The following SPPL3 variants were observed in gnomAD, a reference collection of about 807,000 sequenced individuals.
SPPL3 encodes signal peptide peptidase-like 3.
SPPL3 carries 5 observed loss-of-function variants against 42.4 expected under a neutral mutation model. The observed-to-expected ratio is 0.12, with a 90% confidence interval of 0.06 to 0.25. The LOEUF (loss-of-function observed/expected upper bound fraction) is 0.25. SPPL3 is among the 10% of genes least tolerant of loss of function. The pLI, the probability that SPPL3 is intolerant of heterozygous loss-of-function variation, is 1.00. For missense variants in SPPL3, 235 were observed against 489.0 expected (o/e 0.48, Z 4.90); for synonymous variants, 195 against 181.8 (o/e 1.07, Z -0.58).
intron 1 of SPPL3, among the ~76,000 whole-genome samples, chr12:120,843,831 G>A (rs1238112446): frequency 3.9e-5 from 6 of 152,060 alleles, no homozygotes; most frequent in Admixed American, 6.6e-5. Flanking sequence ...GGTGGCACGC[G>A]CCTATAACCC....
chr12:120,892,442 G>A (rs1413721473), intron 1 of SPPL3, among the ~76,000 whole-genome samples: 1 of 152,118 alleles, frequency 6.6e-6, no homozygotes, highest in Non-Finnish European at 1.5e-5. Flanking sequence ...ATTGCAGTCA[G>A]ACCTTGAAAA....
chr12:120,812,685 G>A (rs1431083162), intron 1 of SPPL3, among the ~76,000 whole-genome samples: 1 of 152,020 alleles, frequency 6.6e-6, no homozygotes, highest in Non-Finnish European at 1.5e-5. Context: ...AGACAGAGAA[G>A]GAAAACCCAG....
At chr12:120,840,509 T>C (rs1871783208) in intron 1 of SPPL3, among the ~76,000 whole-genome samples, 1 of 152,068 alleles carries the variant, frequency 6.6e-6, no homozygotes, top group African/African-American at 2.4e-5. Context: ...TATGGGTTTC[T>C]CTTTGACGGG....
chr12:120,802,757 A>G lies in SPPL3; in HGVS notation c.101+8052T>C, dbSNP rs115737207. 3.4e-3 allele frequency among the ~76,000 whole-genome samples: 516 copies of G among 152,108 alleles called. 3 individuals carry two copies. Among genetic ancestry groups the G allele is most frequent in the African/African-American group, 0.012 (499 of 41,512 alleles). The stretch of plus-strand genomic sequence containing the variant: ...GTCTGCTACCAATATTTATTAACAG[A>G]TCAACATTCAAGAATAACCAGTTTA... On this transcript the variant is annotated intron_variant, in intron 2 of 10. Transcript: ENST00000353487.
intron 1 of SPPL3, among the ~76,000 whole-genome samples, chr12:120,860,029 C>T (rs1303283336): frequency 6.6e-6 from 1 of 152,126 alleles, no homozygotes; most frequent in Admixed American, 6.5e-5. Context: ...CTGCTTGAGG[C>T]TAACAGTTCA....
intron 1 of SPPL3, among the ~76,000 whole-genome samples, chr12:120,836,259 C>T (rs989987): frequency 0.41 from 62,428 of 151,778 alleles, 14,448 homozygotes; most frequent in Middle Eastern, 0.57. Flanking sequence ...AGAAAGCAGG[C>T]TGTGCCAGTT....
rs781170186 is a variant in SPPL3 at position 120,768,402 on chromosome 12, G to T, written c.696C>A (p.Ser232=). ...QPADNPLDVL[S]RKLHLGPNVG... ...CATTGGGCCCCAGGTGGAGCTTCCG[G>T]GATAGAACGTCAAGGGGATTGTCAG... The change falls in exon 8 of 11, where the codon TCC becomes TCA. Residue 232 remains serine, a synonymous_variant. Coordinates refer to ENST00000353487, the MANE Select transcript of SPPL3 (RefSeq NM_139015.5). 1 of 1,614,206 alleles carries T rather than the reference G, an allele frequency of 6.2e-7. No individual in the cohort carries two copies. Among genetic ancestry groups the T allele is most frequent in the Admixed American group, 1.7e-5 (1 of 60,028 alleles).
At chr12:120,770,869 T>C (rs1184905975) in intron 6 of SPPL3, among the ~76,000 whole-genome samples, 1 of 152,212 alleles carries the variant, frequency 6.6e-6, no homozygotes, top group Admixed American at 6.5e-5. Context: ...CTAAGAGACA[T>C]ATATACTTGG....
intron 1 of SPPL3, among the ~76,000 whole-genome samples, chr12:120,830,260 A>C: frequency 4.9e-5 from 3 of 60,780 alleles, no homozygotes; most frequent in Non-Finnish European, 9.5e-5. Flanking sequence ...ATGAAACACC[A>C]TCAGCTGAAA....
intron 1 of SPPL3, among the ~76,000 whole-genome samples, chr12:120,890,550 T>C (rs978078332): frequency 2.7e-5 from 4 of 145,908 alleles, no homozygotes; most frequent in East Asian, 2.0e-4. Context: ...GATCGCGCCA[T>C]TGTACTCCAG....
At chr12:120,770,932 G>A (rs1869096056) in intron 6 of SPPL3, among the ~76,000 whole-genome samples, 1 of 152,152 alleles carries the variant, frequency 6.6e-6, no homozygotes, top group South Asian at 2.1e-4. Context: ...TCTTAACAGT[G>A]CAGTCTTCTG....
chr12:120,838,808 A>G (rs1034776060), intron 1 of SPPL3, among the ~76,000 whole-genome samples: 7 of 152,210 alleles, frequency 4.6e-5, no homozygotes, highest in South Asian at 2.1e-4. Flanking sequence ...CCACAATGAG[A>G]TATCATCTCA....
At chr12:120,799,523 A>T (rs1566045216) in intron 2 of SPPL3, among the ~76,000 whole-genome samples, 1 of 152,148 alleles carries the variant, frequency 6.6e-6, no homozygotes, top group East Asian at 1.9e-4. Context: ...ACTGACAAGA[A>T]CTGCAGCAGG....
intron 1 of SPPL3, among the ~76,000 whole-genome samples, chr12:120,840,657 C>T (rs375752061): frequency 6.6e-6 from 1 of 151,924 alleles, no homozygotes; most frequent in Admixed American, 6.6e-5. Flanking sequence ...TATGGAAAAA[C>T]CCTATCTCTA....
At chr12:120,895,077 TTTC>T (rs1232473132) in intron 1 of SPPL3, among the ~76,000 whole-genome samples, 5 of 152,222 alleles carry the variant, frequency 3.3e-5, no homozygotes, top group Non-Finnish European at 7.3e-5. Flanking sequence ...TCTACTGTTC[TTTC>T]TTCATTTAAG....
At chr12:120,853,555 T>C (rs1296051074) in intron 1 of SPPL3, among the ~76,000 whole-genome samples, 1 of 152,192 alleles carries the variant, frequency 6.6e-6, no homozygotes, top group Non-Finnish European at 1.5e-5. Context: ...GAAGAAGATA[T>C]GATGCACACC....
At position 120,764,881 on chromosome 12, in the gene SPPL3, C is replaced by A; in HGVS notation, c.*118G>T. On this transcript the variant is annotated 3_prime_UTR_variant, in exon 11 of 11. Transcript: ENST00000353487. ...CCTTTAAATGCCAAATCCAGTCACA[C>A]GGCAGTTCCTTAAACACAGGTACAT... The A allele has an allele frequency of 9.3e-7, 1 of 1,074,906 alleles. No individual in the cohort carries two copies. The highest frequency in any genetic ancestry group is 1.3e-6 in the Non-Finnish European group (1 of 760,498). 66.6% of individuals were successfully genotyped at this position (1,074,906 alleles called of 1,614,324 possible).
intron 1 of SPPL3, among the ~76,000 whole-genome samples, chr12:120,870,272 C>A (rs1231872519): frequency 6.6e-6 from 1 of 151,654 alleles, no homozygotes; most frequent in Non-Finnish European, 1.5e-5. Flanking sequence ...ATGGAGAAAC[C>A]CCATCTCTAC....
chr12:120,862,614 T>C (rs1217300300), intron 1 of SPPL3, among the ~76,000 whole-genome samples: 2 of 152,164 alleles, frequency 1.3e-5, no homozygotes, highest in African/African-American at 2.4e-5. Context: ...GGGCAAGGAA[T>C]GGAGGGCTGA....
Sources: gnomAD v4.1 joint callset for allele counts (sites outside exome capture counted in the v4.1 genomes callset) on GRCh38, gnomAD v4.1.1 for gene constraint, MANE v1.5 for transcripts, NCBI Gene and HGNC (gene_info 2026-07-23, HGNC 2026-07-21) for gene names.